The following TSC22D3 variants were observed in gnomAD, a reference collection of about 807,000 sequenced individuals.
TSC22D3 encodes the protein TSC22 domain family protein 3.
In TSC22D3, 4 loss-of-function variants were observed where a neutral mutation model predicts 11.1. That is an observed-to-expected ratio of 0.36 (90% CI 0.18 to 0.83). TSC22D3 has a LOEUF of 0.83. Among genes scored for constraint, TSC22D3 ranks in the 40% least tolerant of loss-of-function variants. The pLI, the probability that TSC22D3 is intolerant of heterozygous loss-of-function variation, is 0.48. For synonymous variants in TSC22D3, 77 were observed against 70.3 expected, an observed-to-expected ratio of 1.10 and a Z score of -0.48; for missense variants, 118 against 159.4, an observed-to-expected ratio of 0.74 and a Z score of 1.40.
intron 1 of TSC22D3, among the ~76,000 whole-genome samples, chrX:107,759,283 TCCCTCTCCCTGCCC>T (rs1188508345): frequency 9.0e-6 from 1 of 111,160 alleles, no homozygotes; most frequent in Non-Finnish European, 1.9e-5. Context: ...TTATGTGAAC[TCCCTCTCCCTGCCC>T]AATACCATTC....
chrX:107,774,587 C>G (rs1278146804), intron 1 of TSC22D3, among the ~76,000 whole-genome samples: 1 of 111,622 alleles, frequency 9.0e-6, no homozygotes, highest in Non-Finnish European at 1.9e-5. Context: ...AAAATTTTCC[C>G]CTCCCCATCT....
At chrX:107,758,919 C>T (rs764699580) in intron 1 of TSC22D3, among the ~76,000 whole-genome samples, 12 of 110,507 alleles carry the variant, frequency 1.1e-4, no homozygotes, top group Non-Finnish European at 2.3e-4. Flanking sequence ...CTCGCTCTGT[C>T]GCACAGGCTG....
At chrX:107,753,100 C>T (rs1210723340) in intron 1 of TSC22D3, among the ~76,000 whole-genome samples, 1 of 111,086 alleles carries the variant, frequency 9.0e-6, no homozygotes, top group African/African-American at 3.3e-5. Flanking sequence ...CCTCTAAATG[C>T]CAGGCCAGGA....
intron 1 of TSC22D3, among the ~76,000 whole-genome samples, chrX:107,741,056 C>G (rs773524617): frequency 2.3e-4 from 26 of 110,931 alleles, no homozygotes; most frequent in Admixed American, 2.3e-3. Context: ...CAGGGGTCTA[C>G]TGAGGTGTGG....
chrX:107,745,956 T>C (rs1318928132), intron 1 of TSC22D3, among the ~76,000 whole-genome samples: 3 of 112,459 alleles, frequency 2.7e-5, no homozygotes, highest in African/African-American at 9.7e-5. Flanking sequence ...TCCTTCTCAA[T>C]AGAACTAAAA....
rs1287934266 is a variant in TSC22D3, at chrX:107,774,691, T to C, written c.320+409A>G. Among the ~76,000 whole-genome samples, 3 of 112,043 alleles carry C rather than the reference T, an allele frequency of 2.7e-5. No individual in the cohort carries two copies. In the East Asian group the frequency reaches 8.4e-4, roughly 31 times the overall value. On this transcript the variant is annotated intron_variant, in intron 1 of 2. Transcript: ENST00000372383. The stretch of plus-strand genomic sequence containing the variant: ...CTCAGTAATTTTAAAGCCCTTGTAG[T>C]TTCAATCTGATTTTGCACATTTGAG...
chrX:107,731,137 G>A (rs765313992), intron 1 of TSC22D3, among the ~76,000 whole-genome samples: 53 of 112,519 alleles, frequency 4.7e-4, no homozygotes, highest in African/African-American at 1.5e-3. Context: ...GTGGGGGATG[G>A]TAGGGAAAGA....
intron 1 of TSC22D3, among the ~76,000 whole-genome samples, chrX:107,745,155 A>C (rs1202625797): frequency 8.9e-6 from 1 of 111,968 alleles, no homozygotes; most frequent in Non-Finnish European, 1.9e-5. Flanking sequence ...CATCTTGATG[A>C]AATAACAAAT....
chrX:107,748,385 C>T (rs1928770666), intron 1 of TSC22D3, among the ~76,000 whole-genome samples: 1 of 111,481 alleles, frequency 9.0e-6, no homozygotes, highest in Non-Finnish European at 1.9e-5. Flanking sequence ...AGATTTGTGG[C>T]GTGGGGATGA....
intron 1 of TSC22D3, among the ~76,000 whole-genome samples, chrX:107,732,018 C>T (rs1365188042): frequency 9.0e-6 from 1 of 111,195 alleles, no homozygotes; most frequent in African/African-American, 3.3e-5. Flanking sequence ...AGTGCCGAGT[C>T]GCATGGTGAC....
At position 107,716,685 on chromosome X, in the gene TSC22D3, G is replaced by T. The variant is rs776419909; in HGVS notation, c.321-735C>A. ...GGAGGCGCCGGAGCTGGGGCCAGCG[G>T]TTACCTGTTGTCCAGCTTAACGGAA... On this transcript the variant is annotated intron_variant, in intron 1 of 2. Coordinates refer to ENST00000372383, the MANE Select transcript of TSC22D3 (RefSeq NM_198057.3). 3.9e-5 allele frequency: 47 copies of T among 1,204,628 alleles called. No homozygotes were observed. The South Asian group carries it at 5.1e-4, about 13-fold the overall frequency.
chrX:107,716,305 G>T, intron 1 of TSC22D3: 1 of 928,616 alleles, frequency 1.1e-6, no homozygotes, highest in Non-Finnish European at 1.3e-6. Flanking sequence ...AAGGTCCCAG[G>T]CAAACCTACC....
chrX:107,727,530 T>G (rs1927701541), intron 1 of TSC22D3, among the ~76,000 whole-genome samples: 1 of 111,800 alleles, frequency 8.9e-6, no homozygotes, highest in Non-Finnish European at 1.9e-5. Flanking sequence ...AAAGATGTCT[T>G]TGATGACTTT....
At chrX:107,763,632 A>G (rs1929540140) in intron 1 of TSC22D3, among the ~76,000 whole-genome samples, 1 of 111,887 alleles carries the variant, frequency 8.9e-6, no homozygotes, top group Non-Finnish European at 1.9e-5. Flanking sequence ...CTGCCTCTGT[A>G]CAATGAGAAG....
At chrX:107,724,267 A>G (rs1020204396) in intron 1 of TSC22D3, among the ~76,000 whole-genome samples, 16 of 112,710 alleles carry the variant, frequency 1.4e-4, no homozygotes, top group Non-Finnish European at 2.8e-4. Flanking sequence ...GCCAGAACAG[A>G]AAGAAAAGGA....
At chrX:107,725,510 A>G (rs758558387) in intron 1 of TSC22D3, among the ~76,000 whole-genome samples, 1 of 112,042 alleles carries the variant, frequency 8.9e-6, no homozygotes, top group African/African-American at 3.3e-5. Context: ...GAAAGGGTCT[A>G]TCTGAAGAGC....
chrX:107,753,763 G>T (rs1929045648), intron 1 of TSC22D3, among the ~76,000 whole-genome samples: 1 of 111,500 alleles, frequency 9.0e-6, no homozygotes, highest in Admixed American at 9.5e-5. Flanking sequence ...AATAGCAGTG[G>T]CAATGCTTGG....
intron 1 of TSC22D3, among the ~76,000 whole-genome samples, chrX:107,725,516 A>G (rs1271939399): frequency 8.9e-6 from 1 of 112,028 alleles, no homozygotes; most frequent in Non-Finnish European, 1.9e-5. Context: ...GTCTATCTGA[A>G]GAGCCCCTAT....
chrX:107,771,652 T>C (rs1323122444), intron 1 of TSC22D3, among the ~76,000 whole-genome samples: 2 of 112,755 alleles, frequency 1.8e-5, no homozygotes, highest in Non-Finnish European at 3.7e-5. Flanking sequence ...AAATATTAAA[T>C]TAGATTATGC....
Sources: allele counts gnomAD v4.1 joint callset (sites outside exome capture counted in the v4.1 genomes callset), GRCh38; gene constraint gnomAD v4.1.1; transcripts MANE v1.5; gene names NCBI Gene and HGNC (gene_info 2026-07-23, HGNC 2026-07-21).